Variants in XCR1 observed in about 807,000 individuals in gnomAD.
The protein encoded by XCR1 is X-C motif chemokine receptor 1, also known as chemokine XC receptor 1.
For synonymous variants in XCR1, 187 were observed against 188.5 expected (o/e 0.99, Z 0.06); for missense variants, 356 against 424.2 (o/e 0.84, Z 1.41).
intron 4 of XCR1, among the ~76,000 whole-genome samples, chr3:46,064,979 T>C (rs536675102): frequency 6.6e-6 from 1 of 152,172 alleles, no homozygotes; most frequent in Admixed American, 6.5e-5. Flanking sequence ...TAATCCCAGC[T>C]ACTCGGGAGG....
rs35124592 is a variant in XCR1, at chr3:46,074,214, C to CTTTTTTTTTTTTTTTTTTTTTTTT, written c.-263+413_-263+436dup. Among the ~76,000 whole-genome samples the CTTTTTTTTTTTTTTTTTTTTTTTT allele has an allele frequency of 6.9e-5, 6 of 86,668 alleles. 1 individual carries two copies. Among genetic ancestry groups the CTTTTTTTTTTTTTTTTTTTTTTTT allele is most frequent in the African/African-American group, 1.3e-4 (3 of 23,236 alleles). The allele number at this position is 86,668 out of a possible 152,430, so 56.9% of individuals were successfully genotyped here. ...CAACACGAATGGAACTGAAGGCCAT[C>CTTTTTTTTTTTTTTTTTTTTTTTT]TTTTTTTTTTTTTTTTTTTTTTTTT... On this transcript the variant is annotated intron_variant, in intron 3 of 5. Transcript: ENST00000683768.
chr3:46,020,859 T>G lies in XCR1; in HGVS notation c.*87A>C. 1 of 1,501,510 alleles carries G rather than the reference T, an allele frequency of 6.7e-7. No homozygotes were observed. Among genetic ancestry groups the G allele is most frequent in the African/African-American group, 1.4e-5 (1 of 71,748 alleles). 93.0% of individuals were successfully genotyped at this position (1,501,510 alleles called of 1,614,324 possible). ...GAGACGTCTCCACCCTGCTGTGTTC[T>G]GCAATGCTCCTTCCAGGCCCGCTTC... On this transcript the variant is annotated 3_prime_UTR_variant, in exon 2 of 2. Coordinates refer to ENST00000309285, the MANE Select transcript of XCR1 (RefSeq NM_001024644.2).
chr3:46,072,364 C>CA (rs1180921248), intron 3 of XCR1, among the ~76,000 whole-genome samples: 1 of 151,808 alleles, frequency 6.6e-6, no homozygotes, highest in Non-Finnish European at 1.5e-5. Context: ...ACAAAAAATA[C>CA]AAAAAATTAG....
At chr3:46,028,230 G>A (rs917031598), upstream of XCR1, among the ~76,000 whole-genome samples, 2 of 152,058 alleles carry the variant, frequency 1.3e-5, no homozygotes, top group Non-Finnish European at 2.9e-5. Flanking sequence ...GCTCACCAGT[G>A]GGGGGAGTAA....
intron 4 of XCR1, among the ~76,000 whole-genome samples, chr3:46,057,565 TTCAA>T (rs1697874520): frequency 6.6e-6 from 1 of 152,340 alleles, no homozygotes; most frequent in African/African-American, 2.4e-5. Flanking sequence ...TCCACAGCTA[TTCAA>T]TCAGACATGA....
At chr3:46,025,360 C>T (rs926695149) in intron 1 of XCR1, among the ~76,000 whole-genome samples, 12 of 151,846 alleles carry the variant, frequency 7.9e-5, no homozygotes, top group Non-Finnish European at 1.2e-4. Context: ...GCTATAATGG[C>T]GCCACTGCAT....
At chr3:46,031,334 T>A (rs1207693399), upstream of XCR1, among the ~76,000 whole-genome samples, 1 of 152,222 alleles carries the variant, frequency 6.6e-6, no homozygotes, top group Non-Finnish European at 1.5e-5. Context: ...TCCTGCTGTT[T>A]GGCTTCTCCC....
chr3:46,049,568 C>T (rs538002673), intron 5 of XCR1, among the ~76,000 whole-genome samples: 4 of 152,252 alleles, frequency 2.6e-5, no homozygotes, highest in South Asian at 4.1e-4. Flanking sequence ...ACATTTACAA[C>T]GTAAGCTGAA....
intron 5 of XCR1, among the ~76,000 whole-genome samples, chr3:46,042,807 T>A (rs564053435): frequency 6.6e-6 from 1 of 152,318 alleles, no homozygotes; most frequent in South Asian, 2.1e-4. Context: ...AAGGGAACAG[T>A]TCTTAATCTA....
At chr3:46,059,732 GT>G (rs776755447) in intron 4 of XCR1, among the ~76,000 whole-genome samples, 6 of 152,156 alleles carry the variant, frequency 3.9e-5, no homozygotes, top group Non-Finnish European at 5.9e-5. Context: ...CCCTGACAAA[GT>G]TTTTGTGTTT....
chr3:46,073,950 AG>A (rs146871765), intron 3 of XCR1, among the ~76,000 whole-genome samples: 6,799 of 152,084 alleles, frequency 0.045, 201 homozygotes, highest in African/African-American at 0.081. Flanking sequence ...TGTGAAGAAA[AG>A]GGAACTCTTA....
At position 46,077,077 on chromosome 3, in the gene XCR1, C is replaced by T. The variant is rs1352255927; in HGVS notation, c.-514-151G>A. Among the ~76,000 whole-genome samples the T allele has an allele frequency of 2.6e-5, 4 of 152,154 alleles. No homozygotes were observed. The East Asian group carries it at 7.7e-4, about 29-fold the overall frequency. ...GAAGCCACTTGCTGTGGGCTCTGGA[C>T]TAACTGATGCCACGTAGCTATAAAA... On this transcript the variant is annotated intron_variant, in intron 1 of 5. Transcript: ENST00000683768.
intron 4 of XCR1, among the ~76,000 whole-genome samples, chr3:46,066,177 A>G (rs1324282671): frequency 6.6e-6 from 1 of 151,870 alleles, no homozygotes; most frequent in Non-Finnish European, 1.5e-5. Flanking sequence ...GCTCTTGGGC[A>G]CAGCCTGCCT....
chr3:46,046,251 G>A (rs1172691978), intron 5 of XCR1, among the ~76,000 whole-genome samples: 1 of 152,170 alleles, frequency 6.6e-6, no homozygotes, highest in Non-Finnish European at 1.5e-5. Flanking sequence ...GGGTCAGGGG[G>A]CACCTTGCCT....
chr3:46,027,703 T>G (rs1338176275), upstream of XCR1: 1 of 152,230 alleles, frequency 6.6e-6, no homozygotes. Context: ...AGAGCCTGCA[T>G]GTTTGAATAG....
chr3:46,073,129 A>T (rs1302171329), intron 3 of XCR1, among the ~76,000 whole-genome samples: 3 of 152,356 alleles, frequency 2.0e-5, no homozygotes, highest in Admixed American at 6.5e-5. Context: ...CTCAAGATAG[A>T]TTCAAGACTT....
In XCR1 at chr3:46,059,262, A is replaced by G. The variant is rs888444509; in HGVS notation, c.-182-5192T>C. ...GCTGAATGAGGAAGAGAAAAACTCA[A>G]GTTTGCTTATAGTTGGTTGTGCACA... On this transcript the variant is annotated intron_variant, in intron 4 of 5. Transcript: ENST00000683768. Among the ~76,000 whole-genome samples the G allele has an allele frequency of 7.9e-5, 12 of 152,170 alleles. No individual in the cohort carries two copies. The East Asian group carries it at 2.3e-3, about 29-fold the overall frequency.
At chr3:46,079,491 C>T (rs1698319480) in intron 1 of XCR1, among the ~76,000 whole-genome samples, 1 of 151,868 alleles carries the variant, frequency 6.6e-6, no homozygotes, top group Non-Finnish European at 1.5e-5. Flanking sequence ...TTGAAGCCCT[C>T]CTCCCTTCCA....
intron 3 of XCR1, among the ~76,000 whole-genome samples, chr3:46,073,787 A>G (rs1698203677): frequency 6.6e-6 from 1 of 152,176 alleles, no homozygotes; most frequent in Admixed American, 6.5e-5. Flanking sequence ...AGACATTTTA[A>G]AAGAAGATAT....
Sources: allele counts gnomAD v4.1 joint callset (sites outside exome capture counted in the v4.1 genomes callset), GRCh38; gene constraint gnomAD v4.1.1; transcripts MANE v1.5; gene names NCBI Gene and HGNC (gene_info 2026-07-23, HGNC 2026-07-21).